The following GATAD1 variants were observed in gnomAD, a reference collection of about 807,000 sequenced individuals.
GATAD1 encodes GATA zinc finger domain-containing protein 1.
Under a neutral mutation model 26.5 loss-of-function variants are expected in GATAD1, and 12 were observed. The ratio of observed to expected loss-of-function variants is 0.45; its 90% CI spans 0.29 to 0.73. GATAD1 has a LOEUF of 0.73. Ranked by LOEUF, GATAD1 falls within the 30% of genes least tolerant of loss-of-function variation. The pLI is 0.10. For missense variants in GATAD1, 266 were observed against 342.1 expected (o/e 0.78, Z 1.75); for synonymous variants, 129 against 133.1 (o/e 0.97, Z 0.21).
Position 92,448,782 on chromosome 7 carries a change from C to T in GATAD1, c.280C>T (p.Arg94Trp). The stretch of plus-strand genomic sequence containing the variant: ...GCAGGAAATTCACAGGAGGTCTGCT[C>T]GGCTCAGAAACACTAAATACAAATC... ...SKQEIHRRSARLRNTKYKSAP... is the reference protein window; with the variant it reads ...SKQEIHRRSAWLRNTKYKSAP... Residue 94 changes from arginine to tryptophan, a missense_variant, in exon 2 of 5, where the codon CGG becomes TGG. Physicochemically the swap from Arg to Trp is moderately radical, Grantham distance 101. Transcript: ENST00000287957. 1 of 1,611,044 alleles carries T rather than the reference C, an allele frequency of 6.2e-7. No individual in the cohort carries two copies. Among genetic ancestry groups the T allele is most frequent in the Non-Finnish European group, 8.5e-7 (1 of 1,177,258 alleles).
At chr7:92,475,549 C>T in the GATAD1 span, among the ~76,000 whole-genome samples, 1 of 151,914 alleles carries the variant, frequency 6.6e-6, no homozygotes, top group Non-Finnish European at 1.5e-5. Flanking sequence ...CCAGCGTGCC[C>T]AACATTGCCT....
the GATAD1 span, among the ~76,000 whole-genome samples, chr7:92,466,932 T>C: frequency 5.3e-5 from 8 of 152,128 alleles, no homozygotes; most frequent in Non-Finnish European, 8.8e-5. Flanking sequence ...TGCTATCTGG[T>C]AATGTTTACA....
the GATAD1 span, among the ~76,000 whole-genome samples, chr7:92,474,358 C>T: frequency 6.6e-6 from 1 of 152,180 alleles, no homozygotes; most frequent in African/African-American, 2.4e-5. Flanking sequence ...CAGAGAGGCA[C>T]GCTTCCTCAA....
At chr7:92,491,160 C>T in the GATAD1 span, 2 of 744,558 alleles carry the variant, frequency 2.7e-6, no homozygotes, top group South Asian at 1.5e-5. Flanking sequence ...TACTGAAGAA[C>T]CAACCAACCA....
At chr7:92,487,414 C>T in the GATAD1 span, 1 of 994,570 alleles carries the variant, frequency 1.0e-6, no homozygotes, top group Non-Finnish European at 1.6e-6. Flanking sequence ...TATGGAAAAG[C>T]CATCAAAAAA....
chr7:92,463,704 C>T (rs946284999), downstream of GATAD1, among the ~76,000 whole-genome samples: 7 of 147,710 alleles, frequency 4.7e-5, no homozygotes, highest in Non-Finnish European at 8.9e-5. Flanking sequence ...TGCGGTGGCT[C>T]ATGCCTGTAA....
chr7:92,466,825 T>G, the GATAD1 span, among the ~76,000 whole-genome samples: 11 of 151,988 alleles, frequency 7.2e-5, no homozygotes, highest in Non-Finnish European at 2.9e-5. Flanking sequence ...TTTTCGGGGG[T>G]GGGGGAGTGT....
chr7:92,452,367 A>G (rs1261243465), intron 3 of GATAD1, among the ~76,000 whole-genome samples: 1 of 152,222 alleles, frequency 6.6e-6, no homozygotes, highest in Non-Finnish European at 1.5e-5. Context: ...CAGCAGTGCC[A>G]CTGGCAGGCA....
At chr7:92,491,427 C>T in the GATAD1 span, 113 of 1,613,704 alleles carry the variant, frequency 7.0e-5, no homozygotes, top group South Asian at 9.4e-4. Context: ...CCAGCTGAAT[C>T]GTCAGAGCCA....
chr7:92,488,609 A>G, the GATAD1 span, among the ~76,000 whole-genome samples: 1 of 152,238 alleles, frequency 6.6e-6, no homozygotes, highest in African/African-American at 2.4e-5. Context: ...AGGTCAATAA[A>G]ATATTAATAT....
At position 92,447,637 on chromosome 7, in the gene GATAD1, C is replaced by G; in HGVS notation, c.-93C>G. 3 of 1,317,634 alleles carry G rather than the reference C, an allele frequency of 2.3e-6. No homozygotes were observed. The highest frequency in any genetic ancestry group is 2.9e-6 in the Non-Finnish European group (3 of 1,028,206). 81.6% of individuals were successfully genotyped at this position (1,317,634 alleles called of 1,614,324 possible). On this transcript the variant is annotated 5_prime_UTR_variant, in exon 1 of 5. It adds an upstream start codon to the 5' untranslated region. Transcript: ENST00000287957. ...CCGACGCTCTCACCGCTCTTCCTAT[C>G]GCCGGGAGTGGCGGGCCGACCAGGG...
At chr7:92,454,444 C>A in intron 3 of GATAD1, 58 bp from the exon 4 acceptor site, 3 of 1,312,652 alleles carry the variant, frequency 2.3e-6, no homozygotes, top group Non-Finnish European at 3.3e-6. Context: ...AAGGTTCATT[C>A]ATAGCTGTGA....
downstream of GATAD1, among the ~76,000 whole-genome samples, chr7:92,460,894 C>G (rs1282205206): frequency 2.0e-5 from 3 of 151,472 alleles, no homozygotes; most frequent in Admixed American, 6.6e-5. Flanking sequence ...CAAATTTTCT[C>G]TAACAAGCAG....
At chr7:92,448,712 CTTCT>C (rs773744732) in intron 1 of GATAD1, 36 bp from the exon 2 acceptor site, 7 of 1,564,468 alleles carry the variant, frequency 4.5e-6, no homozygotes, top group South Asian at 4.4e-5. Context: ...GCACTTTTTA[CTTCT>C]TTCTCTTTTT....
chr7:92,469,984 A>T, the GATAD1 span: 2 of 777,008 alleles, frequency 2.6e-6, no homozygotes, highest in Non-Finnish European at 4.8e-6. Flanking sequence ...GAGTTGGGAG[A>T]TTACTTCTTT....
chr7:92,486,600 A>C, the GATAD1 span, among the ~76,000 whole-genome samples: 2 of 152,044 alleles, frequency 1.3e-5, no homozygotes, highest in Non-Finnish European at 2.9e-5. Context: ...ACCTCCTGGG[A>C]GCAAGTGATC....
chr7:92,491,968 T>C, the GATAD1 span, among the ~76,000 whole-genome samples: 1 of 152,214 alleles, frequency 6.6e-6, no homozygotes, highest in Non-Finnish European at 1.5e-5. Flanking sequence ...GTAGGTTCTG[T>C]AGACATTCCA....
At chr7:92,477,147 C>G in the GATAD1 span, among the ~76,000 whole-genome samples, 2 of 152,142 alleles carry the variant, frequency 1.3e-5, no homozygotes, top group African/African-American at 4.8e-5. Context: ...CTAGTCGGCC[C>G]TCGGCTTCCC....
chr7:92,462,549 A>T (rs540260803), downstream of GATAD1, among the ~76,000 whole-genome samples: 2 of 152,360 alleles, frequency 1.3e-5, no homozygotes, highest in South Asian at 4.1e-4. Flanking sequence ...GGAAAAAAAT[A>T]CAACTTTAAA....
Sources: allele counts gnomAD v4.1 joint callset (sites outside exome capture counted in the v4.1 genomes callset), GRCh38; gene constraint gnomAD v4.1.1; transcripts MANE v1.5; gene names NCBI Gene and HGNC (gene_info 2026-07-23, HGNC 2026-07-21).